The following MICU1 variants were observed in gnomAD, a reference collection of about 807,000 sequenced individuals.
MICU1 encodes the protein calcium uptake protein 1, mitochondrial.
A neutral mutation model predicts 56.8 loss-of-function variants in MICU1; 45 were observed. That is an observed-to-expected ratio of 0.79 (90% confidence interval 0.62 to 1.02). MICU1 has a LOEUF of 1.02. Among genes scored for constraint, MICU1 ranks in the 50% least tolerant of loss-of-function variants. MICU1 has a pLI of 0.00. For synonymous variants in MICU1, 186 were observed against 195.1 expected (o/e 0.95, Z 0.39); for missense variants, 504 against 587.1 (o/e 0.86, Z 1.46).
At chr10:72,406,410 T>C (rs751451576) in intron 10 of MICU1, among the ~76,000 whole-genome samples, 8 of 152,260 alleles carry the variant, frequency 5.3e-5, no homozygotes, top group Middle Eastern at 3.4e-3. Context: ...TCTTCCCAAA[T>C]TGATCTACAT....
At chr10:72,400,887 A>G (rs1342796881) in intron 10 of MICU1, among the ~76,000 whole-genome samples, 1 of 151,980 alleles carries the variant, frequency 6.6e-6, no homozygotes, top group African/African-American at 2.4e-5. Context: ...ACACACACAC[A>G]CACACACACA....
chr10:72,453,313 C>T (rs1387198060), intron 8 of MICU1, among the ~76,000 whole-genome samples: 5 of 152,112 alleles, frequency 3.3e-5, no homozygotes, highest in African/African-American at 4.8e-5. Flanking sequence ...AAACTTAATT[C>T]AAATCCACAG....
chr10:72,590,309 A>C (rs1040954229), intron 1 of MICU1, among the ~76,000 whole-genome samples: 5 of 152,218 alleles, frequency 3.3e-5, no homozygotes, highest in Non-Finnish European at 7.3e-5. Context: ...CAAGAGACAA[A>C]AAAGCACATT....
intron 8 of MICU1, among the ~76,000 whole-genome samples, chr10:72,434,019 T>G (rs569126042): frequency 3.3e-5 from 5 of 152,260 alleles, no homozygotes; most frequent in Admixed American, 2.6e-4. Context: ...ATTCCCCTTG[T>G]GGAAGGAATA....
At chr10:72,490,113 C>T (rs1259698802) in intron 6 of MICU1, among the ~76,000 whole-genome samples, 1 of 152,144 alleles carries the variant, frequency 6.6e-6, no homozygotes, top group Non-Finnish European at 1.5e-5. Flanking sequence ...TTGAGAAGGA[C>T]AATATTCATT....
chr10:72,514,980 T>C (rs547837468), intron 5 of MICU1, among the ~76,000 whole-genome samples: 1 of 152,318 alleles, frequency 6.6e-6, no homozygotes, highest in East Asian at 1.9e-4. Flanking sequence ...TTCTGACAAA[T>C]GCTGCCCCAG....
rs543971658 is a variant in MICU1 at position 72,523,432 on chromosome 10, T to C, written c.537+10314A>G. On this transcript the variant is annotated intron_variant, in intron 5 of 11. Transcript: ENST00000361114. Reference sequence around the variant, plus strand: ...ATGTATTTGTTGGTTTGGTTCAGAATGCAGTTAAAGACAAAGGTATTTAGG... The same window carrying C: ...ATGTATTTGTTGGTTTGGTTCAGAACGCAGTTAAAGACAAAGGTATTTAGG... 2.1e-4 allele frequency among the ~76,000 whole-genome samples: 32 copies of C among 152,308 alleles called. 1 individual carries two copies. In the South Asian group the frequency reaches 5.8e-3, roughly 28 times the overall value.
At chr10:72,564,333 G>C (rs1840371396) in intron 2 of MICU1, among the ~76,000 whole-genome samples, 1 of 152,096 alleles carries the variant, frequency 6.6e-6, no homozygotes. Flanking sequence ...TTGAGGTCAG[G>C]AGTTCGAGAC....
Position 72,549,515 on chromosome 10 carries a change from C to T in MICU1, c.493+1664G>A, listed in dbSNP as rs1455008984. Among the ~76,000 whole-genome samples the T allele has an allele frequency of 2.0e-5, 3 of 152,182 alleles. No individual in the cohort carries two copies. In the South Asian group the frequency reaches 6.2e-4, roughly 32 times the overall value. Reference sequence around the variant, plus strand: ...CCATCTGTTTGTATTTTTGACCACACAATTTACTCACTCTGAATGATGCCT... The same window carrying T: ...CCATCTGTTTGTATTTTTGACCACATAATTTACTCACTCTGAATGATGCCT... On this transcript the variant is annotated intron_variant, in intron 4 of 11. Coordinates refer to ENST00000361114, the MANE Select transcript of MICU1 (RefSeq NM_001195518.2).
intron 10 of MICU1, among the ~76,000 whole-genome samples, chr10:72,399,483 T>A (rs953971250): frequency 6.6e-6 from 1 of 151,702 alleles, no homozygotes; most frequent in Non-Finnish European, 1.5e-5. Flanking sequence ...TAAAATAAAA[T>A]AAAAATACAA....
intron 5 of MICU1, among the ~76,000 whole-genome samples, chr10:72,518,112 A>G (rs1184020479): frequency 1.3e-5 from 2 of 151,534 alleles, no homozygotes; most frequent in African/African-American, 4.9e-5. Flanking sequence ...AGCTCACTAC[A>G]ACGTCTGCCT....
At chr10:72,606,160 A>G (rs1039515732) in intron 1 of MICU1, among the ~76,000 whole-genome samples, 4 of 151,674 alleles carry the variant, frequency 2.6e-5, no homozygotes, top group African/African-American at 9.7e-5. Flanking sequence ...TTTCACTAAA[A>G]TGTTACATAA....
intron 10 of MICU1, among the ~76,000 whole-genome samples, chr10:72,380,282 G>A (rs574127042): frequency 4.7e-4 from 71 of 152,216 alleles, no homozygotes; most frequent in Admixed American, 8.5e-4. Context: ...TAAATACTAC[G>A]TATTTTTGTA....
chr10:72,512,948 G>A (rs576510694), intron 5 of MICU1, among the ~76,000 whole-genome samples: 5 of 152,064 alleles, frequency 3.3e-5, no homozygotes, highest in African/African-American at 9.6e-5. Context: ...TAAGCAATCT[G>A]CGTGCCTCAG....
chr10:72,589,959 C>A (rs371843165), intron 1 of MICU1, among the ~76,000 whole-genome samples: 22 of 151,864 alleles, frequency 1.4e-4, no homozygotes, highest in Non-Finnish European at 3.1e-4. Context: ...TACACTAAAA[C>A]GCCTGTGAAC....
chr10:72,441,254 A>G (rs1864915308), intron 8 of MICU1, among the ~76,000 whole-genome samples: 1 of 152,152 alleles, frequency 6.6e-6, no homozygotes, highest in South Asian at 2.1e-4. Context: ...TTGCAGGGAC[A>G]TGGATGAAGC....
chr10:72,574,409 C>T (rs1840690630), intron 1 of MICU1, among the ~76,000 whole-genome samples: 1 of 152,094 alleles, frequency 6.6e-6, no homozygotes, highest in Non-Finnish European at 1.5e-5. Context: ...ATCCCAGCTA[C>T]TCGGGAGGCT....
At chr10:72,613,290 T>TC (rs770907789) in intron 1 of MICU1, among the ~76,000 whole-genome samples, 7,867 of 149,066 alleles carry the variant, frequency 0.053, 716 homozygotes, top group African/African-American at 0.19. Flanking sequence ...TTTTTTTTTT[T>TC]AGAGACAGGG....
chr10:72,603,006 C>CT (rs200165639), intron 1 of MICU1, among the ~76,000 whole-genome samples: 1,303 of 86,648 alleles, frequency 0.015, 19 homozygotes, highest in African/African-American at 0.067. Context: ...GTCCCAGCTA[C>CT]TCGGAGGCTG....
Sources: allele counts gnomAD v4.1 joint callset (sites outside exome capture counted in the v4.1 genomes callset), GRCh38; gene constraint gnomAD v4.1.1; transcripts MANE v1.5; gene names NCBI Gene and HGNC (gene_info 2026-07-23, HGNC 2026-07-21).